The following MAGI2 variants were observed in gnomAD, a reference collection of about 807,000 sequenced individuals.
The protein encoded by MAGI2 is membrane-associated guanylate kinase, WW and PDZ domain-containing protein 2.
In MAGI2, 35 loss-of-function variants were observed where a neutral mutation model predicts 133.3. The ratio of observed to expected loss-of-function variants is 0.26; its 90% CI spans 0.20 to 0.35. The LOEUF is 0.35. Ranked by LOEUF, MAGI2 falls within the 10% of genes least tolerant of loss-of-function variation. The pLI, the probability that MAGI2 is intolerant of heterozygous loss-of-function variation, is 1.00. For synonymous variants in MAGI2, 729 were observed against 710.6 expected, an observed-to-expected ratio of 1.03 and a Z score of -0.41; for missense variants, 1,636 against 1,863.4, an observed-to-expected ratio of 0.88 and a Z score of 2.25.
intron 20 of MAGI2, among the ~76,000 whole-genome samples, chr7:78,087,232 T>G (rs1450496426): frequency 6.6e-6 from 1 of 152,238 alleles, no homozygotes; most frequent in Non-Finnish European, 1.5e-5. Context: ...ATATATCTGT[T>G]CAACAGATGG....
Position 78,749,724 on chromosome 7 carries a change from G to A in MAGI2, c.419-122485C>T, listed in dbSNP as rs150707910. Among the ~76,000 whole-genome samples, 4 of 152,186 alleles carry A rather than the reference G, an allele frequency of 2.6e-5. No individual in the cohort carries two copies. The East Asian group carries it at 7.7e-4, about 29-fold the overall frequency. ...GAGATGTTAAAGATTTTTGAGGAAA[G>A]ATTAAAAAAGACCTGGACTGTGCTT... is the stretch of plus-strand genomic sequence containing the variant. On this transcript the variant is annotated intron_variant, in intron 2 of 21. Coordinates refer to ENST00000354212, the MANE Select transcript of MAGI2 (RefSeq NM_012301.4).
At chr7:78,538,176 A>G (rs1467300719) in intron 3 of MAGI2, among the ~76,000 whole-genome samples, 1 of 152,158 alleles carries the variant, frequency 6.6e-6, no homozygotes, top group African/African-American at 2.4e-5. Flanking sequence ...ATGCTGTTCC[A>G]TTGGTCCCTG....
intron 21 of MAGI2, among the ~76,000 whole-genome samples, chr7:78,057,723 T>C (rs1002567995): frequency 1.6e-4 from 25 of 151,962 alleles, no homozygotes; most frequent in East Asian, 7.7e-4. Flanking sequence ...TGTAGAGAGA[T>C]TGGGACATGG....
intron 6 of MAGI2, among the ~76,000 whole-genome samples, chr7:78,409,978 C>T (rs1797720770): frequency 6.6e-6 from 1 of 151,818 alleles, no homozygotes; most frequent in Non-Finnish European, 1.5e-5. Context: ...TTGTGTACTG[C>T]GCCCTGCTGT....
chr7:79,000,259 G>A (rs1806727000), intron 2 of MAGI2: 1 of 152,042 alleles, frequency 6.6e-6, no homozygotes, highest in Non-Finnish European at 1.5e-5. Flanking sequence ...TAAGATGATT[G>A]CTTTTTTGGT....
chr7:79,066,957 C>T (rs1814405074), intron 1 of MAGI2, among the ~76,000 whole-genome samples: 1 of 152,164 alleles, frequency 6.6e-6, no homozygotes, highest in South Asian at 2.1e-4. Context: ...TGTTCTGTTC[C>T]ATTGGTCTAT....
At chr7:78,299,671 A>G (rs1797656471) in intron 9 of MAGI2, among the ~76,000 whole-genome samples, 2 of 152,154 alleles carry the variant, frequency 1.3e-5, no homozygotes, top group Non-Finnish European at 2.9e-5. Flanking sequence ...AACTTGTGCC[A>G]TGGTGATTGC....
intron 2 of MAGI2, among the ~76,000 whole-genome samples, chr7:78,940,179 A>G (rs1461626962): frequency 6.6e-6 from 1 of 152,168 alleles, no homozygotes; most frequent in Non-Finnish European, 1.5e-5. Context: ...CAAGCCCTTT[A>G]AACTACATTT....
intron 21 of MAGI2, among the ~76,000 whole-genome samples, chr7:78,075,398 A>T (rs1815173804): frequency 7.6e-6 from 1 of 132,018 alleles, no homozygotes; most frequent in Non-Finnish European, 1.6e-5. Context: ...TTTTTTTGAG[A>T]CGGAGTCTCG....
At chr7:78,297,985 T>TGAAA (rs1797450607) in intron 9 of MAGI2, among the ~76,000 whole-genome samples, 1 of 72,216 alleles carries the variant, frequency 1.4e-5, no homozygotes, top group African/African-American at 1.1e-4. Context: ...TAAAGTATAA[T>TGAAA]TAAAAAAAAA....
At chr7:78,203,918 C>T (rs753221993) in intron 10 of MAGI2, among the ~76,000 whole-genome samples, 1 of 152,232 alleles carries the variant, frequency 6.6e-6, no homozygotes, top group African/African-American at 2.4e-5. Flanking sequence ...CAAACTACTA[C>T]ACATTTCTTA....
chr7:79,395,631 C>T (rs182265563), intron 1 of MAGI2, among the ~76,000 whole-genome samples: 1 of 152,264 alleles, frequency 6.6e-6, no homozygotes, highest in Admixed American at 6.5e-5. Context: ...TTCTACAATT[C>T]CATCAATTTA....
intron 1 of MAGI2, among the ~76,000 whole-genome samples, chr7:79,235,239 G>A (rs953182670): frequency 6.6e-6 from 1 of 152,156 alleles, no homozygotes; most frequent in African/African-American, 2.4e-5. Context: ...GGTTACTGCT[G>A]TTTTTTTGTT....
At chr7:78,687,444 A>G (rs1816440598) in intron 2 of MAGI2, among the ~76,000 whole-genome samples, 1 of 152,226 alleles carries the variant, frequency 6.6e-6, no homozygotes, top group African/African-American at 2.4e-5. Context: ...AAAATTGGAA[A>G]TGCTAGGCAT....
chr7:78,885,110 C>T (rs1005282885), intron 2 of MAGI2, among the ~76,000 whole-genome samples: 1 of 152,032 alleles, frequency 6.6e-6, no homozygotes, highest in African/African-American at 2.4e-5. Flanking sequence ...ACATTAGGTA[C>T]ATATGGATAT....
intron 21 of MAGI2, among the ~76,000 whole-genome samples, chr7:78,076,612 C>T (rs1427015456): frequency 6.7e-6 from 1 of 149,348 alleles, no homozygotes; most frequent in African/African-American, 2.5e-5. Flanking sequence ...TTTGGGAGGC[C>T]GAGGCGGGTG....
chr7:78,699,468 A>G (rs1300088230), intron 2 of MAGI2, among the ~76,000 whole-genome samples: 1 of 152,218 alleles, frequency 6.6e-6, no homozygotes, highest in Non-Finnish European at 1.5e-5. Context: ...CTATGTATGT[A>G]AGGTGTATAT....
intron 1 of MAGI2, among the ~76,000 whole-genome samples, chr7:79,191,895 T>C (rs10242393): frequency 0.99 from 150,863 of 151,842 alleles, 74,951 homozygotes; most frequent in East Asian, 1. Context: ...GGTTGGCATC[T>C]CTAACTTCTT....
At chr7:78,619,429 C>G (rs939006186) in intron 3 of MAGI2, among the ~76,000 whole-genome samples, 1 of 151,836 alleles carries the variant, frequency 6.6e-6, no homozygotes, top group Non-Finnish European at 1.5e-5. Flanking sequence ...ACAGAACAAA[C>G]AGTAAACAGG....
Sources: allele counts gnomAD v4.1 joint callset (sites outside exome capture counted in the v4.1 genomes callset), GRCh38; gene constraint gnomAD v4.1.1; transcripts MANE v1.5; gene names NCBI Gene and HGNC (gene_info 2026-07-23, HGNC 2026-07-21).